GATAD1: variants seen among roughly 807,000 people sequenced by gnomAD.
The protein encoded by GATAD1 is GATA zinc finger domain containing 1.
In GATAD1, 12 loss-of-function variants were observed where a neutral mutation model predicts 26.5. That is an observed-to-expected ratio of 0.45 (90% CI 0.29 to 0.73). The LOEUF is 0.73. Ranked by LOEUF, GATAD1 falls within the 30% of genes least tolerant of loss-of-function variation. GATAD1 has a pLI of 0.10. For missense variants in GATAD1, 266 were observed against 342.1 expected, an observed-to-expected ratio of 0.78 and a Z score of 1.75; for synonymous variants, 129 against 133.1, an observed-to-expected ratio of 0.97 and a Z score of 0.21.
chr7:92,487,598 G>A, the GATAD1 span: 4 of 739,686 alleles, frequency 5.4e-6, no homozygotes, highest in Admixed American at 2.2e-5. Context: ...CAAAACAAAA[G>A]ATAATGGATT....
At chr7:92,450,798 CT>C in intron 3 of GATAD1, 38 bp downstream of exon 3, 1 of 1,290,146 alleles carries the variant, frequency 7.8e-7, no homozygotes, top group Admixed American at 1.7e-5. Context: ...AGAGTTGGGC[CT>C]AGTGGGTAAT....
chr7:92,451,635 C>G (rs1217124469), intron 3 of GATAD1, among the ~76,000 whole-genome samples: 1 of 152,172 alleles, frequency 6.6e-6, no homozygotes, highest in Non-Finnish European at 1.5e-5. Flanking sequence ...CTCAGCAGGG[C>G]TGGGAAAAAC....
intron 1 of GATAD1, 133 bp downstream of exon 1, chr7:92,448,111 A>G: frequency 1.9e-6 from 1 of 536,408 alleles, no homozygotes; most frequent in Non-Finnish European, 2.7e-6. Flanking sequence ...GCCCCTCCCC[A>G]CCTCCTACTG....
At chr7:92,489,561 A>T in the GATAD1 span, 1 of 1,025,008 alleles carries the variant, frequency 9.8e-7, no homozygotes, top group South Asian at 1.4e-5. Context: ...GAAACATTGA[A>T]AGCAAGGAAG....
intron 3 of GATAD1, among the ~76,000 whole-genome samples, chr7:92,452,028 T>C (rs1789456614): frequency 6.6e-6 from 1 of 152,256 alleles, no homozygotes; most frequent in Non-Finnish European, 1.5e-5. Flanking sequence ...TGTAAATAGT[T>C]ACTACCTCAG....
the GATAD1 span, among the ~76,000 whole-genome samples, chr7:92,483,313 A>C: frequency 1.4e-4 from 22 of 152,082 alleles, no homozygotes; most frequent in Admixed American, 1.4e-3. Flanking sequence ...AGGTGTTTTG[A>C]AGTTCTTGTT....
chr7:92,495,275 A>G, the GATAD1 span, among the ~76,000 whole-genome samples: 1 of 152,188 alleles, frequency 6.6e-6, no homozygotes, highest in African/African-American at 2.4e-5. Flanking sequence ...GGTGGACTAG[A>G]TGTCTGGCGA....
chr7:92,470,995 G>A, the GATAD1 span: 3 of 167,138 alleles, frequency 1.8e-5, no homozygotes, highest in African/African-American at 4.8e-5. Flanking sequence ...CAGTGTAAGT[G>A]ATATCGTATA....
chr7:92,460,929 GCA>G (rs367896680), downstream of GATAD1, among the ~76,000 whole-genome samples: 38 of 150,586 alleles, frequency 2.5e-4, no homozygotes, highest in Middle Eastern at 3.4e-3. Context: ...TTTACAATAA[GCA>G]CACACACACA....
the GATAD1 span, among the ~76,000 whole-genome samples, chr7:92,480,745 T>C: frequency 1.3e-5 from 2 of 152,168 alleles, no homozygotes; most frequent in Non-Finnish European, 2.9e-5. Flanking sequence ...CGCTAGGTGC[T>C]TCTTTAGCTA....
chr7:92,476,783 T>C, the GATAD1 span, among the ~76,000 whole-genome samples: 1 of 152,056 alleles, frequency 6.6e-6, no homozygotes, highest in Non-Finnish European at 1.5e-5. Context: ...ACTGCCCATG[T>C]CAAGAGCTGT....
the GATAD1 span, chr7:92,491,294 C>T: frequency 2.0e-4 from 330 of 1,610,590 alleles, no homozygotes; most frequent in Non-Finnish European, 2.7e-4. Context: ...GGTTCCATTT[C>T]CAAGTTCTGA....
the GATAD1 span, chr7:92,470,434 C>T: frequency 4.2e-3 from 2,682 of 636,060 alleles, 56 homozygotes; most frequent in African/African-American, 0.043. Flanking sequence ...GAAGAGCAGG[C>T]GCAAATCCTC....
intron 3 of GATAD1, among the ~76,000 whole-genome samples, chr7:92,453,068 C>T (rs1789507585): frequency 6.6e-6 from 1 of 152,140 alleles, no homozygotes. Flanking sequence ...CCGTAGTGAT[C>T]CAGATGAAAC....
At chr7:92,449,544 T>G in intron 2 of GATAD1, 1 of 972,048 alleles carries the variant, frequency 1.0e-6, no homozygotes, top group Non-Finnish European at 1.2e-6. Context: ...TAAGTCTCAG[T>G]ATGATATTCT....
intron 3 of GATAD1, among the ~76,000 whole-genome samples, chr7:92,452,421 C>T (rs1789477583): frequency 6.6e-6 from 1 of 152,218 alleles, no homozygotes; most frequent in Admixed American, 6.5e-5. Flanking sequence ...AGCCACTGAG[C>T]TAGAGCCCAG....
chr7:92,450,975 A>G (rs1309044934), intron 3 of GATAD1, among the ~76,000 whole-genome samples: 2 of 152,216 alleles, frequency 1.3e-5, no homozygotes, highest in Non-Finnish European at 2.9e-5. Flanking sequence ...CTACTGACAC[A>G]TGATGTGAGG....
the GATAD1 span, chr7:92,469,245 G>A: frequency 1.3e-6 from 1 of 764,068 alleles, no homozygotes; most frequent in South Asian, 1.3e-5. Context: ...GATTTTGAAG[G>A]ACTACTGCTG....
At chr7:92,476,057 C>T in the GATAD1 span, among the ~76,000 whole-genome samples, 2 of 152,192 alleles carry the variant, frequency 1.3e-5, no homozygotes, top group Admixed American at 6.5e-5. Flanking sequence ...CTGGGAGGAA[C>T]CATCTATCGT....
Sources: gnomAD v4.1 joint callset for allele counts (sites outside exome capture counted in the v4.1 genomes callset) on GRCh38, gnomAD v4.1.1 for gene constraint, MANE v1.5 for transcripts, NCBI Gene and HGNC (gene_info 2026-07-23, HGNC 2026-07-21) for gene names.